The following RBFOX3 variants were observed in gnomAD, a reference collection of about 807,000 sequenced individuals.
RBFOX3 encodes the protein RNA binding fox-1 homolog 3.
Under a neutral mutation model 48.7 loss-of-function variants are expected in RBFOX3, and 17 were observed. That is an observed-to-expected ratio of 0.35 (90% CI 0.24 to 0.52). The LOEUF is 0.52. Among genes scored for constraint, RBFOX3 ranks in the 20% least tolerant of loss-of-function variants. The probability of loss-of-function intolerance (pLI) is 0.94; values close to 1 mark genes in which losing one functional copy is unlikely to be tolerated. For missense variants in RBFOX3, 382 were observed against 497.5 expected (o/e 0.77, Z 2.21); for synonymous variants, 212 against 209.5 (o/e 1.01, Z -0.10).
chr17:79,184,268 A>T (rs2052926417), intron 4 of RBFOX3, among the ~76,000 whole-genome samples: 1 of 152,122 alleles, frequency 6.6e-6, no homozygotes, highest in South Asian at 2.1e-4. Flanking sequence ...TGCCACAGGC[A>T]CCTGGTCTTG....
chr17:79,573,716 ATCT>A (rs2092761746), intron 1 of RBFOX3, among the ~76,000 whole-genome samples: 1 of 152,148 alleles, frequency 6.6e-6, no homozygotes, highest in African/African-American at 2.4e-5. Context: ...CCGCCTTGCC[ATCT>A]TCCTCTGGAA....
At chr17:79,182,173 C>G (rs1421565732) in intron 4 of RBFOX3, among the ~76,000 whole-genome samples, 1 of 152,148 alleles carries the variant, frequency 6.6e-6, no homozygotes. Context: ...CAGAACGCGT[C>G]CTATGGGAAC....
At chr17:79,569,098 C>A (rs1467776833) in intron 1 of RBFOX3, among the ~76,000 whole-genome samples, 1 of 149,920 alleles carries the variant, frequency 6.7e-6, no homozygotes, top group Non-Finnish European at 1.5e-5. Context: ...AAAAAAAAAA[C>A]CTTGCCATTT....
In RBFOX3 at chr17:79,119,009, A is replaced by G. The variant is rs2034972569; in HGVS notation, c.-33-3261T>C. Among the ~76,000 whole-genome samples, 3 of 112,830 alleles carry G rather than the reference A, an allele frequency of 2.7e-5. No homozygotes were observed. The South Asian group carries it at 1.1e-3, about 40-fold the overall frequency. 74.0% of individuals were successfully genotyped at this position (112,830 alleles called of 152,430 possible). ...AAAAAAAAAATAAAGAAAATAAAATAAAAAAGAAAGCGCAGCTCCTGTCCC... is the reference window on the plus strand; with the variant it reads ...AAAAAAAAAATAAAGAAAATAAAATGAAAAAGAAAGCGCAGCTCCTGTCCC... On this transcript the variant is annotated intron_variant, in intron 4 of 14. Coordinates refer to ENST00000693108, the MANE Select transcript of RBFOX3 (RefSeq NM_001350451.2).
At chr17:79,232,561 T>G (rs1419722120) in intron 4 of RBFOX3, among the ~76,000 whole-genome samples, 1 of 152,202 alleles carries the variant, frequency 6.6e-6, no homozygotes, top group Non-Finnish European at 1.5e-5. Flanking sequence ...TAAGTAATAA[T>G]GAAATCATTG....
rs545671014 is a variant in RBFOX3, at chr17:79,540,346, G to A, written c.-319-57748C>T. 7.2e-5 allele frequency among the ~76,000 whole-genome samples: 11 copies of A among 152,330 alleles called. No homozygotes were observed. In the East Asian group the frequency reaches 1.7e-3, roughly 24 times the overall value. ...GCTGTGTTCCAGCCTGACAGTGCCC[G>A]GTGCACGGAAGGGAGTCGGCAAATG... is the stretch of plus-strand genomic sequence containing the variant. On this transcript the variant is annotated intron_variant, in intron 1 of 14. Transcript: ENST00000693108.
chr17:79,165,480 G>C (rs1352449780), intron 4 of RBFOX3, among the ~76,000 whole-genome samples: 1 of 152,174 alleles, frequency 6.6e-6, no homozygotes, highest in Admixed American at 6.5e-5. Context: ...CCATCCCTCT[G>C]GGGGACAGGT....
chr17:79,474,813 C>T (rs1482774923), intron 2 of RBFOX3, among the ~76,000 whole-genome samples: 2 of 152,304 alleles, frequency 1.3e-5, no homozygotes, highest in Non-Finnish European at 2.9e-5. Context: ...TCACTAACTT[C>T]AGCACCCGTG....
intron 1 of RBFOX3, among the ~76,000 whole-genome samples, chr17:79,545,642 G>A (rs116647916): frequency 0.019 from 2,958 of 152,300 alleles, 99 homozygotes; most frequent in African/African-American, 0.069. Context: ...AAACAAGAGG[G>A]GAGGCCTTAC....
At chr17:79,325,077 T>C (rs560431013) in intron 2 of RBFOX3, among the ~76,000 whole-genome samples, 1 of 152,340 alleles carries the variant, frequency 6.6e-6, no homozygotes, top group East Asian at 1.9e-4. Context: ...TCAAAAATGT[T>C]GAGGCCTGAG....
At chr17:79,614,678 G>A (rs1409619834), upstream of RBFOX3, among the ~76,000 whole-genome samples, 1 of 152,192 alleles carries the variant, frequency 6.6e-6, no homozygotes, top group African/African-American at 2.4e-5. Context: ...TGAACCAAGA[G>A]CAGGGTGCTA....
chr17:79,172,173 C>CAAAAAAAAAAAAAAAAAA (rs977301314), intron 4 of RBFOX3, among the ~76,000 whole-genome samples: 1 of 52,484 alleles, frequency 1.9e-5, no homozygotes, highest in African/African-American at 7.5e-5. Flanking sequence ...GAGTCCGTCT[C>CAAAAAAAAAAAAAAAAAA]AAAAAAAAAA....
chr17:79,623,823 T>TAAAAAAAAAAAAAAA, the RBFOX3 span, among the ~76,000 whole-genome samples: 27 of 106,004 alleles, frequency 2.5e-4, no homozygotes, highest in African/African-American at 9.8e-4. Context: ...ACTCTGTCTC[T>TAAAAAAAAAAAAAAA]AAAAAAAAAA....
At chr17:79,109,232 G>T (rs2078035717) in intron 5 of RBFOX3, among the ~76,000 whole-genome samples, 1 of 152,216 alleles carries the variant, frequency 6.6e-6, no homozygotes, top group South Asian at 2.1e-4. Flanking sequence ...TGCTCCTTGG[G>T]GTTCCCTGAC....
At position 79,392,715 on chromosome 17, in the gene RBFOX3, G is replaced by A. The variant is rs967904575; in HGVS notation, c.-174-84891C>T. On this transcript the variant is annotated intron_variant, in intron 2 of 14. Coordinates refer to ENST00000693108, the MANE Select transcript of RBFOX3 (RefSeq NM_001350451.2). The surrounding 1 kb of genome is among the most constrained non-coding windows in gnomAD (Gnocchi z 5.0). ...GTGGCTCTATGAGCTTGGGTCCTGA[G>A]TGAGGGCAACAGCACAGCACAACAC... 2.6e-5 allele frequency among the ~76,000 whole-genome samples: 4 copies of A among 152,148 alleles called. No homozygotes were observed. The highest frequency in any genetic ancestry group is 9.7e-5 in the African/African-American group (4 of 41,418).
At chr17:79,588,548 T>C (rs2145012870) in intron 1 of RBFOX3, among the ~76,000 whole-genome samples, 1 of 152,330 alleles carries the variant, frequency 6.6e-6, no homozygotes, top group South Asian at 2.1e-4. Context: ...CTTTGATGTG[T>C]TGAGCTATAG....
chr17:79,179,227 T>A (rs2051299395), intron 4 of RBFOX3, among the ~76,000 whole-genome samples: 1 of 150,030 alleles, frequency 6.7e-6, no homozygotes, highest in Non-Finnish European at 1.5e-5. Flanking sequence ...TGCCTCCTAA[T>A]GAATCTCAGA....
At chr17:79,429,519 T>A (rs554808508) in intron 2 of RBFOX3, among the ~76,000 whole-genome samples, 1 of 152,076 alleles carries the variant, frequency 6.6e-6, no homozygotes, top group East Asian at 1.9e-4. Flanking sequence ...GTATATACAG[T>A]TGCCTCTCAC....
intron 1 of RBFOX3, among the ~76,000 whole-genome samples, chr17:79,582,782 CAAAAAAAAAAAAAAAA>C (rs36155299): frequency 4.3e-5 from 2 of 46,898 alleles, no homozygotes; most frequent in Admixed American, 3.0e-4. Flanking sequence ...GACCCCGTCT[CAAAAAAAAAAAAAAAA>C]AAAAAAAAAA....
Sources: allele counts gnomAD v4.1 joint callset (sites outside exome capture counted in the v4.1 genomes callset), GRCh38; gene constraint gnomAD v4.1.1; non-coding constraint Gnocchi (gnomAD v3.1); transcripts MANE v1.5; gene names NCBI Gene and HGNC (gene_info 2026-07-23, HGNC 2026-07-21).